Variants in ENKUR observed in about 807,000 individuals in gnomAD.
ENKUR encodes the protein enkurin, TRPC channel interacting protein.
Under a neutral mutation model 27.6 loss-of-function variants are expected in ENKUR, and 19 were observed. The observed-to-expected ratio is 0.69, with a 90% CI of 0.48 to 1.01. ENKUR has a LOEUF of 1.01. Among genes scored for constraint, ENKUR ranks in the 50% least tolerant of loss-of-function variants. ENKUR has a pLI of 0.00. For missense variants in ENKUR, 312 were observed against 310.5 expected, an observed-to-expected ratio of 1.00 and a Z score of -0.04; for synonymous variants, 117 against 96.9, an observed-to-expected ratio of 1.21 and a Z score of -1.22.
At chr10:24,991,273 A>G (rs1158728261) in intron 3 of ENKUR, among the ~76,000 whole-genome samples, 2 of 151,982 alleles carry the variant, frequency 1.3e-5, no homozygotes, top group East Asian at 3.9e-4. Context: ...TGGCTTTTCT[A>G]CCTTCTACCT....
intron 2 of ENKUR, among the ~76,000 whole-genome samples, chr10:25,059,478 G>A (rs760377777): frequency 1.3e-5 from 2 of 152,076 alleles, no homozygotes; most frequent in African/African-American, 2.4e-5. Flanking sequence ...ATGGAGATCT[G>A]TATATAACAT....
At chr10:24,986,926 G>A (rs1010106645) in intron 4 of ENKUR, among the ~76,000 whole-genome samples, 2 of 151,916 alleles carry the variant, frequency 1.3e-5, no homozygotes, top group African/African-American at 2.4e-5. Context: ...AAATAATATC[G>A]TTCATTTTGG....
chr10:24,998,096 CT>C, intron 2 of ENKUR, among the ~76,000 whole-genome samples: 1 of 152,052 alleles, frequency 6.6e-6, no homozygotes, highest in African/African-American at 2.4e-5. Context: ...GTGCCCTCAC[CT>C]TTTTTCATGA....
At chr10:25,010,207 G>A (rs1409180213) in intron 1 of ENKUR, among the ~76,000 whole-genome samples, 1 of 152,116 alleles carries the variant, frequency 6.6e-6, no homozygotes, top group Admixed American at 6.6e-5. Context: ...ACGGAGATGA[G>A]GAACTTGTTG....
chr10:25,023,319 T>G, intron 2 of ENKUR: 1 of 1,614,162 alleles, frequency 6.2e-7, no homozygotes, highest in South Asian at 1.1e-5. Flanking sequence ...CACAGCGATT[T>G]CTTTCAAGAA....
chr10:25,035,787 A>G (rs1296856030), intron 2 of ENKUR, among the ~76,000 whole-genome samples: 1 of 152,198 alleles, frequency 6.6e-6, no homozygotes, highest in Non-Finnish European at 1.5e-5. Context: ...GCCTCACAAT[A>G]AAGAATGCCT....
At chr10:25,053,701 C>G (rs113053280) in intron 2 of ENKUR, among the ~76,000 whole-genome samples, 11 of 152,224 alleles carry the variant, frequency 7.2e-5, no homozygotes, top group African/African-American at 2.6e-4. Flanking sequence ...ATTTTCTGTT[C>G]TTGGTCACTC....
chr10:25,055,125 C>A (rs1851238360), intron 2 of ENKUR, among the ~76,000 whole-genome samples: 1 of 152,122 alleles, frequency 6.6e-6, no homozygotes, highest in African/African-American at 2.4e-5. Context: ...GTTAAAATAT[C>A]CTACAATTAT....
chr10:25,008,273 G>C (rs1227380368), intron 1 of ENKUR, among the ~76,000 whole-genome samples: 1 of 152,100 alleles, frequency 6.6e-6, no homozygotes, highest in Admixed American at 6.5e-5. Flanking sequence ...GAATAGTCTA[G>C]ACTTTCTTTG....
At chr10:25,036,115 G>A (rs2130463632) in intron 2 of ENKUR, among the ~76,000 whole-genome samples, 1 of 152,256 alleles carries the variant, frequency 6.6e-6, no homozygotes, top group Non-Finnish European at 1.5e-5. Context: ...TTTCTGATAT[G>A]GTTTGGCTGT....
At chr10:24,991,895 A>G (rs529308648) in intron 3 of ENKUR, among the ~76,000 whole-genome samples, 2 of 152,236 alleles carry the variant, frequency 1.3e-5, no homozygotes, top group Non-Finnish European at 2.9e-5. Flanking sequence ...GTAAACATCG[A>G]CCCATAGACC....
chr10:25,040,851 C>G (rs1851056497), intron 2 of ENKUR, among the ~76,000 whole-genome samples: 1 of 152,162 alleles, frequency 6.6e-6, no homozygotes, highest in African/African-American at 2.4e-5. Context: ...TCTTTCTTAC[C>G]TTAATGAGAA....
At chr10:25,044,591 C>T (rs901819705) in intron 2 of ENKUR, among the ~76,000 whole-genome samples, 1 of 152,074 alleles carries the variant, frequency 6.6e-6, no homozygotes, top group Non-Finnish European at 1.5e-5. Context: ...GAGACATAGT[C>T]TCGCTATGTT....
chr10:24,992,351 G>A (rs575418174), intron 3 of ENKUR, among the ~76,000 whole-genome samples: 3 of 152,262 alleles, frequency 2.0e-5, no homozygotes, highest in South Asian at 4.2e-4. Flanking sequence ...TAAGGAGGTC[G>A]GGGAGGAACT....
intron 1 of ENKUR, among the ~76,000 whole-genome samples, chr10:25,002,161 C>G (rs767127660): frequency 6.6e-6 from 1 of 152,168 alleles, no homozygotes; most frequent in African/African-American, 2.4e-5. Context: ...CTACTCAATG[C>G]CCTGTGTATT....
intron 5 of ENKUR, 42 bp from the exon 6 acceptor site, chr10:24,984,418 C>G (rs754628372): frequency 6.4e-7 from 1 of 1,561,028 alleles, no homozygotes; most frequent in South Asian, 1.2e-5. Flanking sequence ...TGAGTGCTGA[C>G]TTTATTTTTC....
intron 2 of ENKUR, chr10:25,023,621 G>T (rs1850769304): frequency 1.2e-6 from 2 of 1,613,978 alleles, no homozygotes; most frequent in African/African-American, 1.3e-5. Context: ...TCCCTTACTG[G>T]GTCCAATCCA....
chr10:24,994,677 G>A (rs905622121), intron 3 of ENKUR, among the ~76,000 whole-genome samples: 2 of 151,996 alleles, frequency 1.3e-5, no homozygotes, highest in African/African-American at 2.4e-5. Flanking sequence ...TTATAAGTGC[G>A]CAAAATAAAG....
intron 2 of ENKUR, among the ~76,000 whole-genome samples, chr10:25,035,045 G>A (rs892675490): frequency 2.6e-5 from 4 of 152,054 alleles, no homozygotes; most frequent in Non-Finnish European, 4.4e-5. Context: ...GAAATATAAA[G>A]GTCATTCTTG....
Sources: gnomAD v4.1 joint callset for allele counts (sites outside exome capture counted in the v4.1 genomes callset) on GRCh38, gnomAD v4.1.1 for gene constraint, MANE v1.5 for transcripts, NCBI Gene and HGNC (gene_info 2026-07-23, HGNC 2026-07-21) for gene names.